The following TCF4 variants were observed in gnomAD, a reference collection of about 807,000 sequenced individuals.
TCF4 encodes the protein SL3-3 enhancer factor 2.
Under a neutral mutation model 82.1 loss-of-function variants are expected in TCF4, and 3 were observed. The observed-to-expected ratio is 0.04, with a 90% CI of 0.02 to 0.09. The LOEUF is 0.09. TCF4 is among the 10% of genes least tolerant of loss of function. The pLI is 1.00. For synonymous variants in TCF4, 276 were observed against 309.6 expected, an observed-to-expected ratio of 0.89 and a Z score of 1.14; for missense variants, 518 against 852.7, an observed-to-expected ratio of 0.61 and a Z score of 4.89.
intron 6 of TCF4, among the ~76,000 whole-genome samples, chr18:55,369,120 T>C (rs1019147922): frequency 6.6e-6 from 1 of 152,158 alleles, no homozygotes; most frequent in Non-Finnish European, 1.5e-5. Context: ...AATGAATACA[T>C]AGTAGCGCAT....
At chr18:55,250,147 G>A (rs1253339982) in intron 15 of TCF4, among the ~76,000 whole-genome samples, 1 of 152,146 alleles carries the variant, frequency 6.6e-6, no homozygotes, top group Non-Finnish European at 1.5e-5. Context: ...AAAAGTGGGT[G>A]GTTATAGTAA....
chr18:55,333,965 C>T (rs2078108669), intron 8 of TCF4, among the ~76,000 whole-genome samples: 2 of 152,114 alleles, frequency 1.3e-5, no homozygotes, highest in Non-Finnish European at 2.9e-5. Context: ...ACTGTGACCC[C>T]TTTCATGAAT....
At chr18:55,595,131 C>A (rs2097689573) in intron 2 of TCF4, among the ~76,000 whole-genome samples, 1 of 152,184 alleles carries the variant, frequency 6.6e-6, no homozygotes, top group Non-Finnish European at 1.5e-5. Context: ...TTAGAAGGAG[C>A]CTTCTCTGAG....
intron 3 of TCF4, among the ~76,000 whole-genome samples, chr18:55,533,471 C>T (rs1029953940): frequency 2.6e-5 from 4 of 152,146 alleles, no homozygotes; most frequent in African/African-American, 9.7e-5. Context: ...TCTCTGGGCA[C>T]ACAGCTGGAA....
intron 5 of TCF4, among the ~76,000 whole-genome samples, chr18:55,449,636 C>G (rs1723990341): frequency 1.3e-5 from 2 of 152,192 alleles, no homozygotes. Context: ...GAGGAAAAGG[C>G]ACGGCCAGTC....
chr18:55,473,451 A>G (rs545040412), intron 3 of TCF4, among the ~76,000 whole-genome samples: 3 of 152,272 alleles, frequency 2.0e-5, no homozygotes, highest in African/African-American at 4.8e-5. Flanking sequence ...GGTGAAGTCA[A>G]TAGTTTTACA....
chr18:55,597,436 G>T (rs1434809601), intron 2 of TCF4, among the ~76,000 whole-genome samples: 2 of 152,072 alleles, frequency 1.3e-5, no homozygotes, highest in Non-Finnish European at 2.9e-5. Context: ...AGGCTGAGGT[G>T]GGCGGATCAC....
At chr18:55,537,017 C>T (rs952935685) in intron 3 of TCF4, among the ~76,000 whole-genome samples, 1 of 151,854 alleles carries the variant, frequency 6.6e-6, no homozygotes, top group African/African-American at 2.4e-5. Flanking sequence ...GCCTGTAGTC[C>T]CAGCTACTGG....
rs2097735707 is a variant in TCF4 at position 55,635,701 on chromosome 18, A to G, written c.195+2T>C. The G allele has an allele frequency of 1.3e-6, 2 of 1,547,050 alleles. No individual in the cohort carries two copies. The highest frequency in any genetic ancestry group is 1.7e-6 in the Non-Finnish European group (2 of 1,145,612). On this transcript the variant is annotated splice_donor_variant, in intron 1 of 20. Transcript: ENST00000398339. LOFTEE classifies it high-confidence loss of function. ...TAAAGTAGCCCAAATGCTGGTTCCTACCTCCAAGGGCCTCCTGGAGAAGCT... is the reference window on the plus strand; with the variant it reads ...TAAAGTAGCCCAAATGCTGGTTCCTGCCTCCAAGGGCCTCCTGGAGAAGCT...
chr18:55,424,385 T>C (rs973310901), intron 5 of TCF4, among the ~76,000 whole-genome samples: 15 of 152,126 alleles, frequency 9.9e-5, no homozygotes, highest in African/African-American at 1.7e-4. Flanking sequence ...CCAAATGAAA[T>C]TGTACATTTG....
chr18:55,520,649 G>T (rs1353482236), intron 3 of TCF4, among the ~76,000 whole-genome samples: 1 of 152,108 alleles, frequency 6.6e-6, no homozygotes, highest in Non-Finnish European at 1.5e-5. Context: ...AAATGAAGAT[G>T]CAACTTTTGA....
intron 3 of TCF4, chr18:55,551,076 T>G (rs1365774095): frequency 6.6e-6 from 1 of 152,406 alleles, no homozygotes; most frequent in African/African-American, 2.4e-5. Flanking sequence ...CCCGAGTAGC[T>G]GGGATTACAG....
chr18:55,480,650 T>G (rs2096407001), intron 3 of TCF4, among the ~76,000 whole-genome samples: 1 of 152,222 alleles, frequency 6.6e-6, no homozygotes, highest in Admixed American at 6.5e-5. Context: ...TGTCACCTTG[T>G]GTAAGGCGTG....
At chr18:55,265,524 TC>T (rs1328788560) in intron 11 of TCF4, 1 of 152,170 alleles carries the variant, frequency 6.6e-6, no homozygotes, top group East Asian at 1.9e-4. Flanking sequence ...GAGATTTAAA[TC>T]AAACTAGTTT....
chr18:55,244,548 G>A (rs374279424), intron 15 of TCF4, among the ~76,000 whole-genome samples: 15 of 152,222 alleles, frequency 9.9e-5, no homozygotes, highest in South Asian at 2.1e-4. Flanking sequence ...ACTTATAGCC[G>A]TGTCCTAAAT....
At chr18:55,290,604 C>G (rs907055214) in intron 8 of TCF4, among the ~76,000 whole-genome samples, 1 of 152,106 alleles carries the variant, frequency 6.6e-6, no homozygotes, top group Non-Finnish European at 1.5e-5. Context: ...ATAGTTTGAC[C>G]TTTTGCATAC....
Position 55,402,464 on chromosome 18 carries a change from CAA to C in TCF4, c.369+988_369+989del, listed in dbSNP as rs1283091958. Among the ~76,000 whole-genome samples the C allele has an allele frequency of 8.0e-5, 12 of 150,114 alleles. No individual in the cohort carries two copies. The East Asian group carries it at 2.3e-3, about 29-fold the overall frequency. ...AAGAACATCAGAGGGTGAGAGAGTT[CAA>C]GAGAGTAAGCATCCCCTTTCCAGCA... On this transcript the variant is annotated intron_variant, in intron 6 of 19. Coordinates refer to ENST00000354452, the MANE Select transcript of TCF4 (RefSeq NM_001083962.2).
intron 16 of TCF4, 119 bp downstream of exon 16, chr18:55,234,429 C>A: frequency 7.0e-7 from 1 of 1,435,978 alleles, no homozygotes; most frequent in Non-Finnish European, 9.7e-7. Flanking sequence ...TTTTTGTGCC[C>A]AATTTGATTC....
At chr18:55,408,906 A>C (rs1250847488) in intron 5 of TCF4, among the ~76,000 whole-genome samples, 1 of 151,862 alleles carries the variant, frequency 6.6e-6, no homozygotes, top group East Asian at 1.9e-4. Context: ...TGAATTTGAT[A>C]TGAAATTAAT....
Sources: allele counts gnomAD v4.1 joint callset (sites outside exome capture counted in the v4.1 genomes callset), GRCh38; gene constraint gnomAD v4.1.1; transcripts MANE v1.5; gene names NCBI Gene and HGNC (gene_info 2026-07-23, HGNC 2026-07-21).